The following NRXN3 variants were observed in gnomAD, a reference collection of about 807,000 sequenced individuals.
The protein encoded by NRXN3 is neurexin III.
A neutral mutation model predicts 137.6 loss-of-function variants in NRXN3; 32 were observed. The observed-to-expected ratio is 0.23, with a 90% CI of 0.18 to 0.31. The LOEUF (loss-of-function observed/expected upper bound fraction) is 0.31. NRXN3 is among the 10% of genes least tolerant of loss of function. NRXN3 has a pLI of 1.00. For synonymous variants in NRXN3, 798 were observed against 784.5 expected, an observed-to-expected ratio of 1.02 and a Z score of -0.29; for missense variants, 1,574 against 2,062.5, an observed-to-expected ratio of 0.76 and a Z score of 4.59.
chr14:79,059,181 C>T lies in NRXN3; in HGVS notation c.3262+71040C>T, dbSNP rs2099670589. Among the ~76,000 whole-genome samples the T allele has an allele frequency of 2.6e-5, 4 of 151,618 alleles. 1 individual carries two copies. The highest frequency in any genetic ancestry group is 5.9e-5 in the Non-Finnish European group (4 of 67,928). ...GTAGTATCATCTTCTATTTATTCTC[C>T]TTATCACCAGCAGATCAAAACAATG... On this transcript the variant is annotated intron_variant, in intron 15 of 20. Coordinates refer to ENST00000335750, the MANE Select transcript of NRXN3 (RefSeq NM_001330195.2).
chr14:79,148,495 C>A (rs2153022879), intron 15 of NRXN3, among the ~76,000 whole-genome samples: 1 of 152,272 alleles, frequency 6.6e-6, no homozygotes, highest in South Asian at 2.1e-4. Context: ...GCCTGTTGGA[C>A]ACATTGTTAA....
chr14:78,952,457 C>T (rs2099388945), intron 10 of NRXN3, among the ~76,000 whole-genome samples: 2 of 152,088 alleles, frequency 1.3e-5, no homozygotes, highest in Admixed American at 6.5e-5. Flanking sequence ...CTTTTACTTG[C>T]CTGATCTGTT....
intron 19 of NRXN3, among the ~76,000 whole-genome samples, chr14:79,767,966 C>G (rs760551829): frequency 7.6e-4 from 115 of 152,196 alleles, no homozygotes; most frequent in Non-Finnish European, 1.3e-3. Flanking sequence ...TCGGGAAGCG[C>G]AAGGGGTCAG....
rs2152920796 is a variant in NRXN3 at position 79,120,505 on chromosome 14, T to C, written c.3262+132364T>C. On this transcript the variant is annotated intron_variant, in intron 15 of 20. Transcript: ENST00000335750. ...TCTTATCTAGTTGGTCAGTATACTA[T>C]AAATATCAGTGAATATTCAGAATAG... Among the ~76,000 whole-genome samples, 2 of 152,124 alleles carry C rather than the reference T, an allele frequency of 1.3e-5. 1 individual carries two copies. Among genetic ancestry groups the C allele is most frequent in the South Asian group, 4.1e-4 (2 of 4,820 alleles).
intron 10 of NRXN3, among the ~76,000 whole-genome samples, chr14:78,946,868 G>C (rs1010134083): frequency 1.3e-5 from 2 of 152,098 alleles, no homozygotes; most frequent in Non-Finnish European, 2.9e-5. Context: ...AAATACATTT[G>C]AATTGAAATA....
chr14:78,286,503 C>T lies in NRXN3; in HGVS notation c.727+7841C>T, dbSNP rs570877751. ...CCTGCCTAGGGAGGTCTGGTAAGGA[C>T]GAGGCTAAGCTTGTCAGTTTGCTAG... On this transcript the variant is annotated intron_variant, in intron 3 of 20. Coordinates refer to ENST00000335750, the MANE Select transcript of NRXN3 (RefSeq NM_001330195.2). Among the ~76,000 whole-genome samples the T allele has an allele frequency of 4.6e-5, 7 of 152,158 alleles. No individual in the cohort carries two copies. In the East Asian group the frequency reaches 5.8e-4, roughly 13 times the overall value.
intron 11 of NRXN3, among the ~76,000 whole-genome samples, chr14:78,962,854 C>G (rs767227850): frequency 9.2e-5 from 14 of 152,144 alleles, no homozygotes; most frequent in Non-Finnish European, 2.1e-4. Context: ...GCTGGGACTA[C>G]AGGCGTGTGC....
At chr14:79,235,475 G>A (rs1196260970) in intron 15 of NRXN3, among the ~76,000 whole-genome samples, 3 of 152,080 alleles carry the variant, frequency 2.0e-5, no homozygotes, top group Non-Finnish European at 1.5e-5. Context: ...GAAAGAAGGT[G>A]CCCTCATTTC....
chr14:78,579,426 C>T (rs1292793882), intron 4 of NRXN3, among the ~76,000 whole-genome samples: 1 of 151,998 alleles, frequency 6.6e-6, no homozygotes, highest in East Asian at 1.9e-4. Flanking sequence ...TCCTCATTTC[C>T]AAGCTGTGTC....
At chr14:78,984,064 G>A (rs917739796) in intron 14 of NRXN3, among the ~76,000 whole-genome samples, 6 of 151,934 alleles carry the variant, frequency 3.9e-5, no homozygotes, top group African/African-American at 1.5e-4. Context: ...GAGGCGGGGG[G>A]AGGGGATGGA....
intron 15 of NRXN3, among the ~76,000 whole-genome samples, chr14:79,115,871 T>G (rs2152903140): frequency 6.6e-6 from 1 of 152,310 alleles, no homozygotes; most frequent in East Asian, 1.9e-4. Flanking sequence ...ATATCCACCA[T>G]TTTCAGAGCA....
rs926736763 is a variant in NRXN3 at position 78,697,650 on chromosome 14, G to A, written c.1222-11567G>A. ...GCCTATATACCATCACCTTGAAAGGGAGTCCCAAGAAAGGAGGGGACCTTT... is the reference window on the plus strand; with the variant it reads ...GCCTATATACCATCACCTTGAAAGGAAGTCCCAAGAAAGGAGGGGACCTTT... On this transcript the variant is annotated intron_variant, in intron 6 of 20. Coordinates refer to ENST00000335750, the MANE Select transcript of NRXN3 (RefSeq NM_001330195.2). Among the ~76,000 whole-genome samples the A allele has an allele frequency of 8.5e-5, 13 of 152,088 alleles. No individual in the cohort carries two copies. In the East Asian group the frequency reaches 1.9e-3, roughly 23 times the overall value.
At chr14:79,631,239 A>C (rs555590215) in intron 16 of NRXN3, among the ~76,000 whole-genome samples, 68 of 152,272 alleles carry the variant, frequency 4.5e-4, no homozygotes, top group Non-Finnish European at 7.8e-4. Context: ...TGCCAACAGC[A>C]GTAAGTGCTA....
chr14:78,343,594 G>A (rs900342315), intron 4 of NRXN3, among the ~76,000 whole-genome samples: 1 of 152,202 alleles, frequency 6.6e-6, no homozygotes, highest in Non-Finnish European at 1.5e-5. Flanking sequence ...GTTTCAGAGT[G>A]TTAATGACTT....
chr14:79,161,039 T>C (rs1186341889), intron 15 of NRXN3, among the ~76,000 whole-genome samples: 1 of 151,982 alleles, frequency 6.6e-6, no homozygotes, highest in East Asian at 1.9e-4. Flanking sequence ...AAGGGGATTA[T>C]CATAGCATTC....
intron 15 of NRXN3, among the ~76,000 whole-genome samples, chr14:79,206,079 T>A (rs1186116766): frequency 1.3e-5 from 2 of 152,164 alleles, no homozygotes; most frequent in Non-Finnish European, 2.9e-5. Flanking sequence ...TTCTGTCTGT[T>A]TTTGTTATAT....
At chr14:79,349,545 T>TACACACACACAC (rs71131694) in intron 15 of NRXN3, among the ~76,000 whole-genome samples, 4 of 137,636 alleles carry the variant, frequency 2.9e-5, no homozygotes, top group Non-Finnish European at 4.7e-5. Context: ...GAAAAAAAAA[T>TACACACACACAC]ACACACACAC....
intron 17 of NRXN3, among the ~76,000 whole-genome samples, chr14:79,679,639 G>C (rs2098659364): frequency 6.6e-6 from 1 of 152,134 alleles, no homozygotes; most frequent in South Asian, 2.1e-4. Context: ...AAGTAGAATG[G>C]AGTAAAAAGC....
At chr14:79,794,103 G>A (rs1273922498) in intron 19 of NRXN3, among the ~76,000 whole-genome samples, 4 of 152,276 alleles carry the variant, frequency 2.6e-5, no homozygotes, top group Non-Finnish European at 5.9e-5. Context: ...GGTGGCTCAC[G>A]CCTGTAATCC....
Sources: gnomAD v4.1 joint callset for allele counts (sites outside exome capture counted in the v4.1 genomes callset) on GRCh38, gnomAD v4.1.1 for gene constraint, MANE v1.5 for transcripts, NCBI Gene and HGNC (gene_info 2026-07-23, HGNC 2026-07-21) for gene names.